Variants in KANSL1 observed in about 807,000 individuals in gnomAD.
KANSL1 encodes KAT8 regulatory NSL complex subunit 1.
KANSL1 carries 22 observed loss-of-function variants against 103.6 expected under a neutral mutation model. The observed-to-expected ratio is 0.21, with a 90% CI of 0.15 to 0.30. The LOEUF is 0.30. Ranked by LOEUF, KANSL1 falls within the 10% of genes least tolerant of loss-of-function variation. The probability of loss-of-function intolerance (pLI) is 1.00; values close to 1 mark genes in which losing one functional copy is unlikely to be tolerated. For missense variants in KANSL1, 1,337 were observed against 1,399.8 expected (o/e 0.96, Z 0.72); for synonymous variants, 600 against 527.6 (o/e 1.14, Z -1.88).
chr17:46,159,551 T>C (rs1221412180), intron 2 of KANSL1, among the ~76,000 whole-genome samples: 1 of 152,252 alleles, frequency 6.6e-6, no homozygotes, highest in African/African-American at 2.4e-5. Context: ...AGTCCTCAAC[T>C]ATTCTTTCAA....
rs191986791 is a variant in KANSL1 at position 46,050,696 on chromosome 17, C to A, written c.1857G>T (p.Arg619=). The A allele has an allele frequency of 1.4e-4, 228 of 1,607,270 alleles. 1 individual carries two copies. Among genetic ancestry groups the A allele is most frequent in the Middle Eastern group, 6.6e-4 (4 of 6,060 alleles). Residue 619 remains arginine, a synonymous_variant, in exon 7 of 15, where the codon CGG becomes CGT. Coordinates refer to ENST00000432791, the MANE Select transcript of KANSL1 (RefSeq NM_015443.4). ...SIVPLSKKVH[R]NSTIRPGCDV... is the part of the protein sequence containing the mutation. ...CACAGCCAGGGCGGATTGTGCTGTT[C>A]CGGTGAACCTGTGAAAAAAGCCAAA...
chr17:46,174,783 TCCTG>T (rs2147777996), intron 1 of KANSL1, among the ~76,000 whole-genome samples: 1 of 152,338 alleles, frequency 6.6e-6, no homozygotes, highest in Non-Finnish European at 1.5e-5. Flanking sequence ...CAAGTGATCC[TCCTG>T]CATCAGCCTC....
intron 4 of KANSL1, among the ~76,000 whole-genome samples, chr17:46,080,231 A>G (rs17659881): frequency 0.14 from 21,317 of 148,632 alleles, 2,066 homozygotes; most frequent in Middle Eastern, 0.22. Context: ...ATAAACAAGC[A>G]CAGTCCAGGA....
chr17:46,086,375 T>A lies in KANSL1; in HGVS notation c.1432-3833A>T, dbSNP rs147272381. On this transcript the variant is annotated intron_variant, in intron 3 of 14. Transcript: ENST00000432791. ...CAAAGCTTATGTCTCTACAGGCCAATACATGGCAGAACTGGGGCAAAAGTC... is the reference window on the plus strand; with the variant it reads ...CAAAGCTTATGTCTCTACAGGCCAAAACATGGCAGAACTGGGGCAAAAGTC... Among the ~76,000 whole-genome samples, 62 of 152,310 alleles carry A rather than the reference T, an allele frequency of 4.1e-4. No individual in the cohort carries two copies. In the East Asian group the frequency reaches 6.0e-3, roughly 15 times the overall value.
intron 2 of KANSL1, among the ~76,000 whole-genome samples, chr17:46,140,706 A>G (rs982998023): frequency 2.2e-4 from 34 of 152,232 alleles, no homozygotes; most frequent in African/African-American, 5.3e-4. Context: ...TAAAAACCAA[A>G]TAACTTTAGA....
chr17:46,140,774 A>G (rs2044379147), intron 2 of KANSL1, among the ~76,000 whole-genome samples: 1 of 152,222 alleles, frequency 6.6e-6, no homozygotes, highest in Non-Finnish European at 1.5e-5. Flanking sequence ...ACCTGAAACG[A>G]TTATCAGCAT....
chr17:46,173,240 C>T (rs1262929817), intron 1 of KANSL1, among the ~76,000 whole-genome samples: 2 of 152,330 alleles, frequency 1.3e-5, no homozygotes, highest in East Asian at 1.9e-4. Context: ...TCAACAACCA[C>T]TAGTATGGTG....
At chr17:46,095,096 AGAAT>A (rs1374916422) in intron 2 of KANSL1, among the ~76,000 whole-genome samples, 1 of 151,884 alleles carries the variant, frequency 6.6e-6, no homozygotes, top group East Asian at 1.9e-4. Context: ...TGTTCAGTAA[AGAAT>A]ATTTAAAAAC....
At chr17:46,134,448 T>C (rs1056689559) in intron 2 of KANSL1, among the ~76,000 whole-genome samples, 1 of 152,042 alleles carries the variant, frequency 6.6e-6, no homozygotes, top group African/African-American at 2.4e-5. Flanking sequence ...TATAATGTAT[T>C]TACAAGACTA....
chr17:46,033,180 A>T lies in KANSL1; in HGVS notation c.2737T>A (p.Ser913Thr). Residue 913 changes from serine (S) to threonine (T), a missense_variant, in exon 13 of 15, where the codon TCC becomes ACC. This residue lies in a region of KANSL1 where 780 missense variants were observed against 923.4 expected (regional missense o/e 0.84). Coordinates refer to ENST00000432791, the MANE Select transcript of KANSL1 (RefSeq NM_015443.4). ...DEENEEIEDLSDAAFAALHAK... is the reference protein window; with the variant it reads ...DEENEEIEDLTDAAFAALHAK... Reference sequence around the variant, plus strand: ...TGCAGGGCGGCGAAGGCTGCGTCGGATAGGTCCTCAATCTGCAATAGAGCA... The same window carrying T: ...TGCAGGGCGGCGAAGGCTGCGTCGGTTAGGTCCTCAATCTGCAATAGAGCA... The T allele has an allele frequency of 6.3e-7, 1 of 1,599,966 alleles. No individual in the cohort carries two copies. The highest frequency in any genetic ancestry group is 1.3e-5 in the African/African-American group (1 of 74,778).
Position 46,032,227 on chromosome 17 carries a change from G to A in KANSL1, c.2910C>T (p.Ala970=). The A allele has an allele frequency of 6.3e-7, 1 of 1,583,130 alleles. No individual in the cohort carries two copies. The highest frequency in any genetic ancestry group is 8.6e-7 in the Non-Finnish European group (1 of 1,161,582). Residue 970 remains alanine (A), a synonymous_variant, in exon 14 of 15, where the codon GCC becomes GCT. Coordinates refer to ENST00000432791, the MANE Select transcript of KANSL1 (RefSeq NM_015443.4). Reference sequence around the variant, plus strand: ...AGTGGCTACTGCTGACATCAGGGGAGGCAGGCTGGGGGGTGGAGGGGTTGG... The same window carrying A: ...AGTGGCTACTGCTGACATCAGGGGAAGCAGGCTGGGGGGTGGAGGGGTTGG... ...GSANPSTPQP[A]SPDVSSSHSL... is the part of the protein sequence containing the mutation.
intron 1 of KANSL1, among the ~76,000 whole-genome samples, chr17:46,187,967 A>T (rs553068686): frequency 2.6e-5 from 4 of 152,392 alleles, no homozygotes; most frequent in African/African-American, 9.6e-5. Context: ...TGCTTAATAA[A>T]AAAAAATATA....
chr17:46,203,060 C>T (rs896563196), intron 1 of KANSL1, among the ~76,000 whole-genome samples: 10 of 152,128 alleles, frequency 6.6e-5, no homozygotes, highest in Non-Finnish European at 1.3e-4. Flanking sequence ...GGTGAAAACC[C>T]GTCTCTACTA....
At chr17:46,041,249 G>A (rs1026102616) in intron 7 of KANSL1, 2 of 152,178 alleles carry the variant, frequency 1.3e-5, no homozygotes, top group African/African-American at 2.4e-5. Flanking sequence ...AATGGAGACT[G>A]TTTTACCTTT....
chr17:46,089,165 T>A (rs2079278902), intron 3 of KANSL1, among the ~76,000 whole-genome samples: 1 of 152,204 alleles, frequency 6.6e-6, no homozygotes, highest in African/African-American at 2.4e-5. Context: ...TTCTAAAGCA[T>A]GGAAGAGTTT....
intron 1 of KANSL1, among the ~76,000 whole-genome samples, chr17:46,191,186 G>A (rs2047302250): frequency 6.6e-6 from 1 of 152,076 alleles, no homozygotes; most frequent in African/African-American, 2.4e-5. Context: ...ACAGATAAAG[G>A]AATAACATAC....
chr17:46,116,223 GACAT>G (rs1326848534), intron 2 of KANSL1, among the ~76,000 whole-genome samples: 1 of 152,148 alleles, frequency 6.6e-6, no homozygotes, highest in African/African-American at 2.4e-5. Context: ...AAAGGAAACA[GACAT>G]ACAGTCAAAA....
intron 2 of KANSL1, among the ~76,000 whole-genome samples, chr17:46,112,764 CA>C (rs1202568310): frequency 1.3e-5 from 2 of 150,816 alleles, no homozygotes; most frequent in Non-Finnish European, 3.0e-5. Flanking sequence ...TCTTGTTGCC[CA>C]GGCTGGAGTG....
At chr17:46,125,598 C>T (rs930953662) in intron 2 of KANSL1, among the ~76,000 whole-genome samples, 4 of 152,162 alleles carry the variant, frequency 2.6e-5, no homozygotes, top group African/African-American at 9.7e-5. Context: ...TATCTCCAGC[C>T]GTACCAAATC....
Sources: gnomAD v4.1 joint callset for allele counts (sites outside exome capture counted in the v4.1 genomes callset) on GRCh38, gnomAD v4.1.1 for gene constraint, gnomAD v4.1.1 regional missense constraint, MANE v1.5 for transcripts, NCBI Gene and HGNC (gene_info 2026-07-23, HGNC 2026-07-21) for gene names.